The following SPMAP2L variants were observed in gnomAD, a reference collection of about 807,000 sequenced individuals.
SPMAP2L encodes the protein sperm microtubule associated protein 2-like.
At chr4:56,591,347 A>G in the SPMAP2L span, among the ~76,000 whole-genome samples, 7 of 152,206 alleles carry the variant, frequency 4.6e-5, no homozygotes, top group African/African-American at 1.7e-4. Context: ...CTGCAGAACC[A>G]TGAGCCAACA....
At chr4:56,586,832 C>G in the SPMAP2L span, among the ~76,000 whole-genome samples, 1 of 152,178 alleles carries the variant, frequency 6.6e-6, no homozygotes, top group South Asian at 2.1e-4. Context: ...AGTTACAAGT[C>G]TGGCCAGATT....
At chr4:56,564,780 A>AT in the SPMAP2L span, among the ~76,000 whole-genome samples, 5 of 151,398 alleles carry the variant, frequency 3.3e-5, no homozygotes, top group Admixed American at 2.0e-4. Flanking sequence ...GACCTTTCTT[A>AT]TTTTTTCTGA....
the SPMAP2L span, among the ~76,000 whole-genome samples, chr4:56,553,091 C>T: frequency 2.0e-5 from 3 of 151,934 alleles, no homozygotes; most frequent in African/African-American, 7.3e-5. Context: ...CAAGCTGGAC[C>T]CTTAGTCCTT....
chr4:56,584,161 C>T, the SPMAP2L span, among the ~76,000 whole-genome samples: 4 of 151,964 alleles, frequency 2.6e-5, no homozygotes, highest in African/African-American at 9.7e-5. Context: ...GAGACAGGAT[C>T]TCACCATGTT....
chr4:56,566,938 G>A, the SPMAP2L span, among the ~76,000 whole-genome samples: 3 of 151,130 alleles, frequency 2.0e-5, no homozygotes, highest in South Asian at 2.1e-4. Context: ...CTCGTGATCC[G>A]CCCACCTTGG....
chr4:56,536,990 C>A, the SPMAP2L span, among the ~76,000 whole-genome samples: 17 of 152,296 alleles, frequency 1.1e-4, no homozygotes. Context: ...TCTTGAACTC[C>A]TGACCTTAGG....
chr4:56,553,560 A>C, the SPMAP2L span, among the ~76,000 whole-genome samples: 1 of 151,920 alleles, frequency 6.6e-6, no homozygotes, highest in Non-Finnish European at 1.5e-5. Flanking sequence ...GGTTTACAGA[A>C]AAATTGAGCA....
At chr4:56,545,835 C>T in the SPMAP2L span, among the ~76,000 whole-genome samples, 1 of 152,152 alleles carries the variant, frequency 6.6e-6, no homozygotes, top group South Asian at 2.1e-4. Flanking sequence ...TCTTGTCCCC[C>T]AGGCTGGAGT....
the SPMAP2L span, among the ~76,000 whole-genome samples, chr4:56,540,497 C>T: frequency 3.3e-5 from 5 of 151,962 alleles, no homozygotes; most frequent in East Asian, 5.8e-4. Context: ...GAGCCGAGAT[C>T]GCACCACTGC....
chr4:56,566,296 T>A, the SPMAP2L span, among the ~76,000 whole-genome samples: 1 of 152,176 alleles, frequency 6.6e-6, no homozygotes, highest in African/African-American at 2.4e-5. Flanking sequence ...CCTTCCGGAT[T>A]CAAGCAATTC....
At chr4:56,611,518 A>T in the SPMAP2L span, among the ~76,000 whole-genome samples, 1 of 152,254 alleles carries the variant, frequency 6.6e-6, no homozygotes, top group African/African-American at 2.4e-5. Flanking sequence ...CTCACAAATC[A>T]CCACTAAAGT....
At chr4:56,575,368 C>T in the SPMAP2L span, 2 of 1,024,532 alleles carry the variant, frequency 2.0e-6, no homozygotes, top group South Asian at 2.1e-5. Flanking sequence ...TTAATTTCTC[C>T]TCACATGGAA....
chr4:56,550,301 T>G, the SPMAP2L span, among the ~76,000 whole-genome samples: 21,907 of 152,098 alleles, frequency 0.14, 1,845 homozygotes, highest in African/African-American at 0.21. Flanking sequence ...TTTACCATGC[T>G]TCTAGATTTT....
chr4:56,592,944 C>T, the SPMAP2L span: 360 of 1,604,556 alleles, frequency 2.2e-4, 1 homozygote, highest in African/African-American at 4.4e-3. Context: ...AAGACGGTCC[C>T]TGCCAACATC....
the SPMAP2L span, among the ~76,000 whole-genome samples, chr4:56,614,331 C>T: frequency 1.6e-4 from 25 of 152,262 alleles, no homozygotes; most frequent in South Asian, 4.8e-3. Flanking sequence ...GTACATAGTA[C>T]ACTGTGAGGT....
the SPMAP2L span, among the ~76,000 whole-genome samples, chr4:56,602,008 G>C: frequency 6.6e-6 from 1 of 152,304 alleles, no homozygotes; most frequent in East Asian, 1.9e-4. Flanking sequence ...CTAGGGAATT[G>C]GGATAGGAGG....
chr4:56,596,361 A>G, the SPMAP2L span: 6 of 715,926 alleles, frequency 8.4e-6, no homozygotes, highest in Non-Finnish European at 1.2e-5. Context: ...CTGTGATTAT[A>G]GGTTACTGCA....
the SPMAP2L span, among the ~76,000 whole-genome samples, chr4:56,597,242 C>T: frequency 6.6e-6 from 1 of 152,154 alleles, no homozygotes; most frequent in African/African-American, 2.4e-5. Context: ...TTGGGATGCA[C>T]TTGAAATTGG....
the SPMAP2L span, among the ~76,000 whole-genome samples, chr4:56,609,372 C>T: frequency 6.6e-6 from 1 of 152,088 alleles, no homozygotes; most frequent in African/African-American, 2.4e-5. Context: ...ATAACTTGTT[C>T]GATTTCACAG....
Sources: gnomAD v4.1 joint callset for allele counts (sites outside exome capture counted in the v4.1 genomes callset) on GRCh38, gnomAD v4.1.1 for gene constraint, MANE v1.5 for transcripts, NCBI Gene and HGNC (gene_info 2026-07-23, HGNC 2026-07-21) for gene names.